AQP9: variants seen among roughly 807,000 people sequenced by gnomAD.
AQP9 encodes the protein aquaporin 9, also known as aquaporin-9.
Under a neutral mutation model 23.8 loss-of-function variants are expected in AQP9, and 19 were observed. The ratio of observed to expected loss-of-function variants is 0.80; its 90% CI spans 0.56 to 1.17. AQP9 has a LOEUF of 1.17. Among genes scored for constraint, AQP9 ranks in the 50% most tolerant of loss-of-function variants. The pLI, the probability that AQP9 is intolerant of heterozygous loss-of-function variation, is 0.00. For missense variants in AQP9, 413 were observed against 362.0 expected, an observed-to-expected ratio of 1.14 and a Z score of -1.14; for synonymous variants, 153 against 131.5, an observed-to-expected ratio of 1.16 and a Z score of -1.12.
intron 1 of AQP9, chr15:58,151,171 A>G (rs545154375): frequency 2.6e-5 from 4 of 152,118 alleles, no homozygotes; most frequent in African/African-American, 9.7e-5. Flanking sequence ...AATTATTCTT[A>G]TAACTTTAAA....
rs778758728 is a variant in AQP9 at position 58,166,737 on chromosome 15, C to T, written c.176C>T (p.Thr59Ile). The change falls in exon 2 of 6, where the codon ACT (threonine) becomes ATT (isoleucine). Residue 59 changes from threonine (T) to isoleucine (I), a missense_variant. Transcript: ENST00000219919. ...LSRGRFGGVI[T>I]INVGFSMAVA... Reference sequence around the variant, plus strand: ...CGAGGACGTTTTGGAGGGGTCATCACTATCAATGTTGGATTTTCAATGGCA... The same window carrying T: ...CGAGGACGTTTTGGAGGGGTCATCATTATCAATGTTGGATTTTCAATGGCA... The T allele has an allele frequency of 1.2e-6, 2 of 1,613,910 alleles. No homozygotes were observed. Among genetic ancestry groups the T allele is most frequent in the African/African-American group, 2.7e-5 (2 of 74,926 alleles).
intron 2 of AQP9, among the ~76,000 whole-genome samples, chr15:58,169,672 T>C (rs1226131104): frequency 6.6e-6 from 1 of 152,212 alleles, no homozygotes; most frequent in Non-Finnish European, 1.5e-5. Flanking sequence ...CAGCAGATAT[T>C]TGTCTTTTAA....
intron 5 of AQP9, among the ~76,000 whole-genome samples, chr15:58,182,206 G>A (rs1318203377): frequency 6.6e-6 from 1 of 152,180 alleles, no homozygotes; most frequent in Non-Finnish European, 1.5e-5. Flanking sequence ...GACTTAATCA[G>A]TGAAAGCTCT....
intron 4 of AQP9, 44 bp downstream of exon 4, chr15:58,175,080 T>G: frequency 6.6e-7 from 1 of 1,505,950 alleles, no homozygotes; most frequent in Non-Finnish European, 9.2e-7. Context: ...TGAAAAGATA[T>G]GCTCTCATAA....
chr15:58,159,186 T>C (rs16939822), intron 1 of AQP9, among the ~76,000 whole-genome samples: 3,173 of 152,226 alleles, frequency 0.021, 96 homozygotes, highest in African/African-American at 0.073. Flanking sequence ...ACAGGGGTCA[T>C]GGCTCAGTTG....
At chr15:58,158,600 T>C (rs1386505091) in intron 1 of AQP9, among the ~76,000 whole-genome samples, 1 of 152,080 alleles carries the variant, frequency 6.6e-6, no homozygotes, top group Non-Finnish European at 1.5e-5. Context: ...AACAGATGAG[T>C]CAAGATGGTA....
chr15:58,160,352 TGTTTG>T (rs1194027781), intron 1 of AQP9, among the ~76,000 whole-genome samples: 9 of 152,064 alleles, frequency 5.9e-5, no homozygotes, highest in African/African-American at 2.2e-4. Context: ...ATTTGGATTT[TGTTTG>T]TTTGTTTGCT....
chr15:58,179,379 G>A, intron 5 of AQP9, 34 bp downstream of exon 5: 1 of 1,570,486 alleles, frequency 6.4e-7, no homozygotes, highest in Non-Finnish European at 8.7e-7. Context: ...GAGAGACAGA[G>A]TCATGCTGCG....
intron 4 of AQP9, among the ~76,000 whole-genome samples, chr15:58,176,084 T>C (rs1898747349): frequency 6.6e-6 from 1 of 152,074 alleles, no homozygotes; most frequent in African/African-American, 2.4e-5. Context: ...ACTTGTAAAA[T>C]GGGGATAATA....
intron 2 of AQP9, among the ~76,000 whole-genome samples, chr15:58,169,249 A>G (rs1175241312): frequency 6.6e-6 from 1 of 152,252 alleles, no homozygotes; most frequent in Non-Finnish European, 1.5e-5. Context: ...AAATGTTTAC[A>G]AGCAACTATG....
chr15:58,157,752 C>A (rs1235122665), intron 1 of AQP9, among the ~76,000 whole-genome samples: 1 of 152,148 alleles, frequency 6.6e-6, no homozygotes, highest in Non-Finnish European at 1.5e-5. Context: ...GGTGCTTGAT[C>A]ATCTAACGGA....
intron 1 of AQP9, chr15:58,138,913 G>A (rs532477345): frequency 1.2e-5 from 5 of 429,554 alleles, no homozygotes; most frequent in Admixed American, 4.0e-5. Flanking sequence ...GAGAAGGAGT[G>A]AGTGAAGTGC....
intron 1 of AQP9, among the ~76,000 whole-genome samples, chr15:58,164,630 T>C (rs1182587360): frequency 6.6e-6 from 1 of 152,190 alleles, no homozygotes; most frequent in Non-Finnish European, 1.5e-5. Flanking sequence ...ATGTTCCTGC[T>C]GTAACTGTAT....
At chr15:58,182,858 C>G (rs1453424675) in intron 5 of AQP9, among the ~76,000 whole-genome samples, 1 of 152,148 alleles carries the variant, frequency 6.6e-6, no homozygotes, top group Non-Finnish European at 1.5e-5. Flanking sequence ...GGAAATGGAG[C>G]TCACGATGGG....
At chr15:58,182,953 T>G (rs1483188477) in intron 5 of AQP9, among the ~76,000 whole-genome samples, 3 of 152,240 alleles carry the variant, frequency 2.0e-5, no homozygotes, top group Non-Finnish European at 4.4e-5. Context: ...AGGGTTCTTG[T>G]GTCCTGCTTA....
intron 1 of AQP9, among the ~76,000 whole-genome samples, chr15:58,159,352 G>A (rs1166133271): frequency 2.0e-5 from 3 of 151,992 alleles, no homozygotes; most frequent in Admixed American, 1.3e-4. Context: ...ATTATTCAGG[G>A]TAGTTTTGCT....
chr15:58,169,717 G>A (rs142528016), intron 2 of AQP9, among the ~76,000 whole-genome samples: 169 of 152,278 alleles, frequency 1.1e-3, no homozygotes, highest in African/African-American at 4.0e-3. Context: ...AGAAGTTACA[G>A]CATCCTGCTC....
intron 5 of AQP9, among the ~76,000 whole-genome samples, chr15:58,179,551 G>A (rs1216134480): frequency 6.6e-6 from 1 of 151,846 alleles, no homozygotes; most frequent in Non-Finnish European, 1.5e-5. Flanking sequence ...GAGAGAGAGA[G>A]ACAGAGAAAG....
Position 58,138,960 on chromosome 15 carries a change from G to A in AQP9, c.111+284G>A, listed in dbSNP as rs74718424. 5 of 290,970 alleles carry A rather than the reference G, an allele frequency of 1.7e-5. No homozygotes were observed. In the East Asian group the frequency reaches 3.1e-4, roughly 18 times the overall value. 18.0% of individuals were successfully genotyped at this position (290,970 alleles called of 1,614,324 possible). On this transcript the variant is annotated intron_variant, in intron 1 of 5. Transcript: ENST00000219919. ...CAGGTATTTACTTATACTCTAAAAT[G>A]GCTTTGTGATTTAAAAGTCAGTCGT...
Sources: gnomAD v4.1 joint callset for allele counts (sites outside exome capture counted in the v4.1 genomes callset) on GRCh38, gnomAD v4.1.1 for gene constraint, MANE v1.5 for transcripts, NCBI Gene and HGNC (gene_info 2026-07-23, HGNC 2026-07-21) for gene names.